The following PPP4R3A variants were observed in gnomAD, a reference collection of about 807,000 sequenced individuals.
PPP4R3A encodes the protein serine/threonine-protein phosphatase 4 regulatory subunit 3A.
PPP4R3A carries 15 observed loss-of-function variants against 91.7 expected under a neutral mutation model. That is an observed-to-expected ratio of 0.16 (90% CI 0.11 to 0.25). The LOEUF is 0.25. PPP4R3A is among the 10% of genes least tolerant of loss of function. The pLI is 1.00. For synonymous variants in PPP4R3A, 377 were observed against 348.7 expected, an observed-to-expected ratio of 1.08 and a Z score of -0.91; for missense variants, 623 against 998.4, an observed-to-expected ratio of 0.62 and a Z score of 5.07.
chr14:91,481,681 T>C lies in PPP4R3A; in HGVS notation c.810A>G (p.Ile270Met). Residue 270 changes from isoleucine to methionine, a missense_variant, in exon 4 of 15, where the codon ATA becomes ATG. Coordinates refer to ENST00000554943, the MANE Select transcript of PPP4R3A (RefSeq NM_001366432.2). ...AAGGAGTTGGTAGAACCATATCTTG[T>C]ATATACTGAACTCTGTATGTCTGAT... ...KIHQTYRVQYIQDMVLPTPSV... is the reference protein window; with the variant it reads ...KIHQTYRVQYMQDMVLPTPSV... The C allele has an allele frequency of 6.2e-7, 1 of 1,614,002 alleles. No individual in the cohort carries two copies. Among genetic ancestry groups the C allele is most frequent in the Non-Finnish European group, 8.5e-7 (1 of 1,179,988 alleles).
chr14:91,479,730 C>T (rs112911524), intron 4 of PPP4R3A, among the ~76,000 whole-genome samples: 59 of 152,126 alleles, frequency 3.9e-4, no homozygotes, highest in African/African-American at 1.2e-3. Context: ...TTAGTAGAGA[C>T]GGGGTTTCGC....
intron 2 of PPP4R3A, among the ~76,000 whole-genome samples, chr14:91,487,477 C>T (rs983166095): frequency 6.6e-6 from 1 of 151,496 alleles, no homozygotes; most frequent in African/African-American, 2.4e-5. Context: ...CAAGCTGGTA[C>T]AAAGAGAATT....
chr14:91,500,159 A>G (rs1326324873), intron 1 of PPP4R3A, among the ~76,000 whole-genome samples: 1 of 152,218 alleles, frequency 6.6e-6, no homozygotes, highest in East Asian at 1.9e-4. Flanking sequence ...GCATTAACTG[A>G]AATTTTTTAT....
intron 2 of PPP4R3A, among the ~76,000 whole-genome samples, chr14:91,488,203 T>TA (rs11310905): frequency 2.0e-3 from 292 of 142,540 alleles, no homozygotes; most frequent in Middle Eastern, 3.6e-3. Flanking sequence ...ACCCCATCTC[T>TA]AAAAAAAAAA....
chr14:91,460,449 T>G (rs1888059794), intron 14 of PPP4R3A, among the ~76,000 whole-genome samples: 1 of 151,790 alleles, frequency 6.6e-6, no homozygotes, highest in Non-Finnish European at 1.5e-5. Flanking sequence ...AAAAAAAGAC[T>G]GAATGGGCAT....
intron 14 of PPP4R3A, 33 bp downstream of exon 14, chr14:91,461,348 A>G (rs776111083): frequency 6.3e-7 from 1 of 1,582,978 alleles, no homozygotes; most frequent in South Asian, 1.1e-5. Flanking sequence ...TCAATTGGGA[A>G]AAAAGGGGGC....
At position 91,466,752 on chromosome 14, in the gene PPP4R3A, T is replaced by C. The variant is rs575354051; in HGVS notation, c.1661-1333A>G. ...TTCCCAAAACAATATTTTCAGTTTG[T>C]ATTTTTAAGGTTATTTGACAAAGGA... On this transcript the variant is annotated intron_variant, in intron 10 of 14. Coordinates refer to ENST00000554943, the MANE Select transcript of PPP4R3A (RefSeq NM_001366432.2). 1.1e-4 allele frequency among the ~76,000 whole-genome samples: 16 copies of C among 152,322 alleles called. No homozygotes were observed. In the South Asian group the frequency reaches 3.3e-3, roughly 32 times the overall value.
At chr14:91,480,415 A>G (rs1036296204) in intron 4 of PPP4R3A, among the ~76,000 whole-genome samples, 1 of 152,200 alleles carries the variant, frequency 6.6e-6, no homozygotes, top group Admixed American at 6.5e-5. Context: ...TAACTCACCC[A>G]CAGGCACACC....
At chr14:91,488,423 A>C (rs894679554) in intron 2 of PPP4R3A, among the ~76,000 whole-genome samples, 7 of 152,144 alleles carry the variant, frequency 4.6e-5, no homozygotes, top group South Asian at 4.1e-4. Flanking sequence ...TTTTTATACT[A>C]TCTTAAAGGA....
chr14:91,479,471 G>C (rs572301551), intron 4 of PPP4R3A, among the ~76,000 whole-genome samples: 4 of 151,470 alleles, frequency 2.6e-5, no homozygotes, highest in Admixed American at 2.6e-4. Flanking sequence ...GGGCTCAAGC[G>C]ATTCTCCCAA....
At chr14:91,461,097 T>C (rs1292032801) in intron 14 of PPP4R3A, among the ~76,000 whole-genome samples, 1 of 152,230 alleles carries the variant, frequency 6.6e-6, no homozygotes, top group Non-Finnish European at 1.5e-5. Flanking sequence ...ACCTTGAACA[T>C]TTCTGTAAAT....
chr14:91,478,480 C>T (rs1889343332), intron 4 of PPP4R3A, among the ~76,000 whole-genome samples: 1 of 152,232 alleles, frequency 6.6e-6, no homozygotes, highest in African/African-American at 2.4e-5. Context: ...ATGCTACAGC[C>T]TTCACAGCAG....
rs1203986496 is a variant in PPP4R3A, at chr14:91,507,341, A to AG, written c.142+2164_142+2165insC. On this transcript the variant is annotated intron_variant, in intron 1 of 14. Transcript: ENST00000554943. ...AATCTCAAAAAAAAAATCTATACAT[A>AG]TTATATATACTATATAGTATATATA... Among the ~76,000 whole-genome samples, 152 of 112,124 alleles carry AG rather than the reference A, an allele frequency of 1.4e-3. 2 individuals are homozygous for AG. Among genetic ancestry groups the AG allele is most frequent in the African/African-American group, 2.0e-3 (59 of 28,790 alleles). The allele number at this position is 112,124 out of a possible 152,430, so 73.6% of individuals were successfully genotyped here. A position where few individuals can be genotyped will look rare whatever the true frequency, so the allele number is the denominator to read the frequency against.
At chr14:91,491,116 A>G (rs1158306763) in intron 1 of PPP4R3A, among the ~76,000 whole-genome samples, 2 of 152,096 alleles carry the variant, frequency 1.3e-5, no homozygotes, top group East Asian at 3.9e-4. Context: ...CATGTTGGTC[A>G]GGCTGGTCTC....
At chr14:91,496,786 A>C (rs1298866619) in intron 1 of PPP4R3A, among the ~76,000 whole-genome samples, 1 of 152,210 alleles carries the variant, frequency 6.6e-6, no homozygotes, top group Non-Finnish European at 1.5e-5. Flanking sequence ...AGAACACCGG[A>C]AAGTCTTTCA....
chr14:91,509,689 G>A lies in PPP4R3A; in HGVS notation c.-42C>T, dbSNP rs752564597. On this transcript the variant is annotated 5_prime_UTR_variant, in exon 1 of 15. Coordinates refer to ENST00000554943, the MANE Select transcript of PPP4R3A (RefSeq NM_001366432.2). ...CGGGGCGGGGGCCCCGCCAGTAGAC[G>A]CCCAGGAAAGGGGCCCTGGAGAGGC... The A allele has an allele frequency of 1.5e-5, 23 of 1,580,622 alleles. No individual in the cohort carries two copies. The highest frequency in any genetic ancestry group is 7.9e-5 in the South Asian group (7 of 89,024).
intron 4 of PPP4R3A, among the ~76,000 whole-genome samples, chr14:91,478,086 G>A (rs930824373): frequency 6.6e-6 from 1 of 152,152 alleles, no homozygotes; most frequent in Non-Finnish European, 1.5e-5. Flanking sequence ...ATTCACTGTT[G>A]TGAGTGCTCC....
chr14:91,497,540 G>A (rs1240175586), intron 1 of PPP4R3A, among the ~76,000 whole-genome samples: 1 of 152,116 alleles, frequency 6.6e-6, no homozygotes, highest in Non-Finnish European at 1.5e-5. Context: ...AAGCTAAGTG[G>A]AATGCATCAG....
chr14:91,491,144 TGA>T (rs1163741854), intron 1 of PPP4R3A, among the ~76,000 whole-genome samples: 1 of 151,928 alleles, frequency 6.6e-6, no homozygotes, highest in African/African-American at 2.4e-5. Flanking sequence ...TGACCTCAGG[TGA>T]TCCACCAGCC....
Sources: gnomAD v4.1 joint callset for allele counts (sites outside exome capture counted in the v4.1 genomes callset) on GRCh38, gnomAD v4.1.1 for gene constraint, MANE v1.5 for transcripts, NCBI Gene and HGNC (gene_info 2026-07-23, HGNC 2026-07-21) for gene names.